The following THADA variants were observed in gnomAD, a reference collection of about 807,000 sequenced individuals.
THADA encodes THADA armadillo repeat containing, also known as tRNA (32-2'-O)-methyltransferase regulator THADA.
Under a neutral mutation model 219.8 loss-of-function variants are expected in THADA, and 213 were observed. The observed-to-expected ratio is 0.97, with a 90% CI of 0.87 to 1.09. The LOEUF is 1.09. THADA is among the 50% of genes least tolerant of loss of function. The pLI is 0.00. For missense variants in THADA, 2,956 were observed against 2,311.3 expected (o/e 1.28, Z -5.72); for synonymous variants, 1,018 against 828.9 (o/e 1.23, Z -3.92).
chr2:43,234,089 C>G (rs1667749277), intron 36 of THADA, among the ~76,000 whole-genome samples: 1 of 152,196 alleles, frequency 6.6e-6, no homozygotes, highest in African/African-American at 2.4e-5. Context: ...CACTGAGGGC[C>G]TAGTGAGTGC....
chr2:43,336,755 C>T (rs1445910695), intron 30 of THADA, among the ~76,000 whole-genome samples: 6 of 152,202 alleles, frequency 3.9e-5, no homozygotes, highest in Admixed American at 1.3e-4. Context: ...ATTCTAAAAA[C>T]GCAGCCATGA....
chr2:43,294,382 T>A (rs1474369788), intron 31 of THADA, among the ~76,000 whole-genome samples: 2 of 152,028 alleles, frequency 1.3e-5, no homozygotes, highest in Non-Finnish European at 2.9e-5. Context: ...GGAAGACAGG[T>A]GACAATGTGT....
chr2:43,257,059 G>A (rs147104993), intron 36 of THADA, among the ~76,000 whole-genome samples: 3 of 152,276 alleles, frequency 2.0e-5, no homozygotes, highest in South Asian at 2.1e-4. Context: ...ATGGGAAAAC[G>A]CCTCCCATCT....
intron 25 of THADA, among the ~76,000 whole-genome samples, chr2:43,497,991 T>C (rs1173132927): frequency 6.6e-6 from 1 of 152,154 alleles, no homozygotes; most frequent in Non-Finnish European, 1.5e-5. Context: ...ATTCTACACA[T>C]GTATCCTGGA....
intron 26 of THADA, among the ~76,000 whole-genome samples, chr2:43,465,782 C>G (rs901951487): frequency 2.6e-5 from 4 of 152,156 alleles, no homozygotes; most frequent in Non-Finnish European, 5.9e-5. Context: ...GCTCCAGACC[C>G]TACATATCTA....
intron 22 of THADA, among the ~76,000 whole-genome samples, chr2:43,513,518 C>A (rs1479366092): frequency 6.6e-6 from 1 of 152,208 alleles, no homozygotes; most frequent in Non-Finnish European, 1.5e-5. Flanking sequence ...ACTGCCAGAG[C>A]TGCCTGAGGC....
At chr2:43,314,880 C>G (rs937022608) in intron 31 of THADA, among the ~76,000 whole-genome samples, 5 of 152,168 alleles carry the variant, frequency 3.3e-5, no homozygotes, top group African/African-American at 9.7e-5. Flanking sequence ...ATTTTAAAAC[C>G]TAGTTAATGG....
intron 36 of THADA, among the ~76,000 whole-genome samples, chr2:43,241,687 G>T (rs1668635508): frequency 6.6e-6 from 1 of 151,956 alleles, no homozygotes; most frequent in Non-Finnish European, 1.5e-5. Flanking sequence ...GCCTGCATTA[G>T]AAGACGGCAG....
chr2:43,275,738 C>A (rs1221128612), intron 36 of THADA, among the ~76,000 whole-genome samples: 1 of 152,250 alleles, frequency 6.6e-6, no homozygotes, highest in Non-Finnish European at 1.5e-5. Context: ...TTCTAACCTT[C>A]TAAGATACCT....
intron 29 of THADA, among the ~76,000 whole-genome samples, chr2:43,385,476 G>A (rs1478389620): frequency 2.6e-5 from 4 of 152,090 alleles, no homozygotes; most frequent in East Asian, 1.9e-4. Flanking sequence ...GTGTGGTGGC[G>A]GATGCCTGCA....
intron 31 of THADA, among the ~76,000 whole-genome samples, chr2:43,302,237 A>C (rs374870455): frequency 1.3e-5 from 2 of 152,010 alleles, no homozygotes; most frequent in East Asian, 1.9e-4. Context: ...TGGAAAGCCC[A>C]AATGTTTGAG....
intron 29 of THADA, among the ~76,000 whole-genome samples, chr2:43,348,136 C>T (rs909945506): frequency 2.0e-5 from 3 of 152,122 alleles, no homozygotes; most frequent in Non-Finnish European, 4.4e-5. Context: ...TTTAAATCAA[C>T]CTTTATGAAT....
At chr2:43,549,558 A>G (rs1306339475) in intron 19 of THADA, among the ~76,000 whole-genome samples, 190 bp from the exon 20 acceptor site, 6 of 152,228 alleles carry the variant, frequency 3.9e-5, no homozygotes, top group African/African-American at 1.4e-4. Flanking sequence ...CATTTTTAAA[A>G]TATGGCAATT....
chr2:43,555,443 T>C, intron 17 of THADA, among the ~76,000 whole-genome samples: 1 of 152,004 alleles, frequency 6.6e-6, no homozygotes, highest in Non-Finnish European at 1.5e-5. Context: ...TAAACATTCT[T>C]TGTATGTTTG....
intron 36 of THADA, among the ~76,000 whole-genome samples, chr2:43,278,230 C>T (rs765134082): frequency 2.0e-5 from 3 of 152,006 alleles, no homozygotes; most frequent in Non-Finnish European, 4.4e-5. Context: ...AGATTACAGG[C>T]GTGAGATTAC....
intron 29 of THADA, among the ~76,000 whole-genome samples, chr2:43,381,996 C>A (rs192134814): frequency 6.6e-6 from 1 of 152,094 alleles, no homozygotes; most frequent in African/African-American, 2.4e-5. Context: ...CCTAGTCCAA[C>A]CATTAAAAAA....
intron 36 of THADA, among the ~76,000 whole-genome samples, chr2:43,242,434 G>A (rs917700823): frequency 6.6e-6 from 1 of 152,148 alleles, no homozygotes; most frequent in African/African-American, 2.4e-5. Flanking sequence ...GCAAGTGGTA[G>A]GGCCAGATAC....
intron 26 of THADA, among the ~76,000 whole-genome samples, chr2:43,438,238 C>G (rs1332202997): frequency 7.2e-6 from 1 of 138,152 alleles, no homozygotes; most frequent in African/African-American, 2.7e-5. Flanking sequence ...GGAGGCGGAG[C>G]TTGCAGTGAG....
At chr2:43,271,166 G>C (rs1291740341) in intron 36 of THADA, among the ~76,000 whole-genome samples, 2 of 152,190 alleles carry the variant, frequency 1.3e-5, no homozygotes, top group Admixed American at 6.5e-5. Context: ...CCTGTGCTAG[G>C]CATGTGGGTC....
Sources: gnomAD v4.1 joint callset for allele counts (sites outside exome capture counted in the v4.1 genomes callset) on GRCh38, gnomAD v4.1.1 for gene constraint, MANE v1.5 for transcripts, NCBI Gene and HGNC (gene_info 2026-07-23, HGNC 2026-07-21) for gene names.